Variants in RARS2 observed in about 807,000 individuals in gnomAD.
RARS2 encodes the protein probable arginine--tRNA ligase, mitochondrial.
RARS2 carries 67 observed loss-of-function variants against 88.5 expected under a neutral mutation model. The ratio of observed to expected loss-of-function variants is 0.76; its 90% CI spans 0.62 to 0.93. The LOEUF (loss-of-function observed/expected upper bound fraction) is 0.93, where lower values mean the gene tolerates loss of function less well. Among genes scored for constraint, RARS2 ranks in the 40% least tolerant of loss-of-function variants. The pLI is 0.00. For synonymous variants in RARS2, 239 were observed against 230.3 expected, an observed-to-expected ratio of 1.04 and a Z score of -0.34; for missense variants, 664 against 684.2, an observed-to-expected ratio of 0.97 and a Z score of 0.33.
At chr6:87,532,825 A>T (rs1478224859) in intron 8 of RARS2, among the ~76,000 whole-genome samples, 1 of 152,244 alleles carries the variant, frequency 6.6e-6, no homozygotes, top group Non-Finnish European at 1.5e-5. Flanking sequence ...TAAGTCCAGA[A>T]CAACACATAC....
At chr6:87,589,802 AAACT>A in intron 1 of RARS2, 116 bp downstream of exon 1, 1 of 1,607,802 alleles carries the variant, frequency 6.2e-7, no homozygotes, top group Non-Finnish European at 8.5e-7. Flanking sequence ...GAGGTGGTAG[AAACT>A]AACAGGATTC....
chr6:87,525,791 C>T (rs568260969), intron 10 of RARS2, among the ~76,000 whole-genome samples: 29 of 152,202 alleles, frequency 1.9e-4, no homozygotes, highest in African/African-American at 6.0e-4. Context: ...ATGTGATCCG[C>T]GCCCCCGGCC....
Position 87,522,354 on chromosome 6 carries a change from A to AG in RARS2, c.975-831_975-830insC, listed in dbSNP as rs1193617895. 4.2e-4 allele frequency among the ~76,000 whole-genome samples: 64 copies of AG among 151,154 alleles called. 1 individual carries two copies. The highest frequency in any genetic ancestry group is 4.2e-3 in the Admixed American group (63 of 15,134). On this transcript the variant is annotated intron_variant, in intron 11 of 19. Coordinates refer to ENST00000369536, the MANE Select transcript of RARS2 (RefSeq NM_020320.5). ...CAATTAAAAAAAAAAAAAAAAAAAA[A>AG]AGACCATAAAGTCCTTTGACAGAAT...
chr6:87,549,510 C>T (rs1056617397), intron 5 of RARS2, among the ~76,000 whole-genome samples: 2 of 151,256 alleles, frequency 1.3e-5, no homozygotes, highest in African/African-American at 4.9e-5. Flanking sequence ...ACGATGACTG[C>T]ACTTCAGCCT....
At chr6:87,538,523 G>A (rs980383671) in intron 8 of RARS2, among the ~76,000 whole-genome samples, 1 of 152,154 alleles carries the variant, frequency 6.6e-6, no homozygotes, top group Non-Finnish European at 1.5e-5. Flanking sequence ...TTTGAAGACA[G>A]ATTCCCCTGA....
chr6:87,585,686 C>T (rs1046406094), intron 1 of RARS2, among the ~76,000 whole-genome samples: 2 of 152,062 alleles, frequency 1.3e-5, no homozygotes, highest in Non-Finnish European at 2.9e-5. Flanking sequence ...GAGCAGAGAT[C>T]ACGCCATTGC....
At chr6:87,556,374 C>T (rs1033081999) in intron 4 of RARS2, among the ~76,000 whole-genome samples, 20 of 152,076 alleles carry the variant, frequency 1.3e-4, no homozygotes, top group Non-Finnish European at 8.8e-5. Flanking sequence ...GGTGCAATCA[C>T]GGCTCACTGA....
intron 2 of RARS2, among the ~76,000 whole-genome samples, chr6:87,567,251 CA>C (rs1258498595): frequency 4.7e-5 from 2 of 42,170 alleles, no homozygotes; most frequent in Non-Finnish European, 7.4e-5. Context: ...GATTCCGCCT[CA>C]AAAAAACAAA....
In RARS2 at chr6:87,524,544, A is replaced by T. The variant is rs902230711; in HGVS notation, c.974+13T>A. On this transcript the variant is annotated intron_variant, in intron 11 of 19. Coordinates refer to ENST00000369536, the MANE Select transcript of RARS2 (RefSeq NM_020320.5). ...TTTAGAACCAAATGTTGACCCTCAC[A>T]GAGGCTACAAACCTGGTTGCATAGA... 1 of 1,581,172 alleles carries T rather than the reference A, an allele frequency of 6.3e-7. No individual in the cohort carries two copies. The highest frequency in any genetic ancestry group is 1.3e-5 in the African/African-American group (1 of 74,240).
Position 87,562,875 on chromosome 6 carries a change from C to CACA in RARS2, c.214-93_214-91dup. 4 of 957,864 alleles carry CACA rather than the reference C, an allele frequency of 4.2e-6. No individual in the cohort carries two copies. In the East Asian group the frequency reaches 9.7e-5, roughly 23 times the overall value. 59.3% of individuals were successfully genotyped at this position (957,864 alleles called of 1,614,324 possible). The stretch of plus-strand genomic sequence containing the variant: ...TAATGCTATTTTTGGCTTACAAAGA[C>CACA]ACAAGTAAGTCATCTTTCATGGTCC... On this transcript the variant is annotated intron_variant, in intron 3 of 19. Coordinates refer to ENST00000369536, the MANE Select transcript of RARS2 (RefSeq NM_020320.5).
At position 87,534,930 on chromosome 6, in the gene RARS2, C is replaced by T. The variant is rs10755484; in HGVS notation, c.613-3988G>A. Among the ~76,000 whole-genome samples, 92,381 of 152,024 alleles carry T rather than the reference C, an allele frequency of 0.61. 28,882 individuals are homozygous for T. Among genetic ancestry groups the T allele is most frequent in the African/African-American group, 0.75 (31,253 of 41,496 alleles). Reference sequence around the variant, plus strand: ...GAGCTGCATGCCTCCAAGCATCACACAGGCTGGGATACTAAACATGTAAGA... The same window carrying T: ...GAGCTGCATGCCTCCAAGCATCACATAGGCTGGGATACTAAACATGTAAGA... On this transcript the variant is annotated intron_variant, in intron 8 of 19. Transcript: ENST00000369536.
At chr6:87,579,853 A>G (rs1772918039) in intron 1 of RARS2, among the ~76,000 whole-genome samples, 1 of 149,606 alleles carries the variant, frequency 6.7e-6, no homozygotes, top group African/African-American at 2.5e-5. Context: ...CAGCCTCCCG[A>G]GTACCTGGGA....
chr6:87,531,809 T>C (rs1777619376), intron 8 of RARS2, among the ~76,000 whole-genome samples: 1 of 152,198 alleles, frequency 6.6e-6, no homozygotes, highest in African/African-American at 2.4e-5. Flanking sequence ...ATATTAATAT[T>C]ATAGTTCAAG....
intron 1 of RARS2, among the ~76,000 whole-genome samples, chr6:87,588,351 T>G (rs1775792722): frequency 6.6e-6 from 1 of 152,144 alleles, no homozygotes; most frequent in African/African-American, 2.4e-5. Flanking sequence ...ATGAGAAATC[T>G]ATTAGCTTTT....
At chr6:87,528,389 T>A (rs1776450741) in intron 10 of RARS2, among the ~76,000 whole-genome samples, 1 of 152,186 alleles carries the variant, frequency 6.6e-6, no homozygotes, top group Non-Finnish European at 1.5e-5. Context: ...TCCATATATA[T>A]GATCCAGCAA....
intron 8 of RARS2, among the ~76,000 whole-genome samples, chr6:87,539,528 C>T (rs1298969916): frequency 6.6e-6 from 1 of 152,184 alleles, no homozygotes; most frequent in African/African-American, 2.4e-5. Context: ...GTGTTTTTAC[C>T]TTTCTCAGCA....
intron 8 of RARS2, among the ~76,000 whole-genome samples, chr6:87,535,608 G>C (rs577954439): frequency 6.6e-6 from 1 of 151,460 alleles, no homozygotes; most frequent in African/African-American, 2.4e-5. Flanking sequence ...TACTGAAATA[G>C]AACCTTTGGA....
chr6:87,580,213 C>A (rs1171796677), intron 1 of RARS2, among the ~76,000 whole-genome samples: 2 of 152,122 alleles, frequency 1.3e-5, no homozygotes, highest in Non-Finnish European at 2.9e-5. Context: ...TCGGGTAGGG[C>A]TGTTTCACCT....
chr6:87,560,044 A>G lies in RARS2; in HGVS notation c.297+2658T>C, dbSNP rs1197926915. Among the ~76,000 whole-genome samples, 8 of 152,274 alleles carry G rather than the reference A, an allele frequency of 5.3e-5. No individual in the cohort carries two copies. The East Asian group carries it at 1.2e-3, about 22-fold the overall frequency. ...TTATCATCTAGGTTTGTGTAAGTACACTCTATGATGTCCCATAATAACAAA... is the reference window on the plus strand; with the variant it reads ...TTATCATCTAGGTTTGTGTAAGTACGCTCTATGATGTCCCATAATAACAAA... On this transcript the variant is annotated intron_variant, in intron 4 of 19. Transcript: ENST00000369536.
Sources: allele counts gnomAD v4.1 joint callset (sites outside exome capture counted in the v4.1 genomes callset), GRCh38; gene constraint gnomAD v4.1.1; transcripts MANE v1.5; gene names NCBI Gene and HGNC (gene_info 2026-07-23, HGNC 2026-07-21).